The following LPA variants were observed in gnomAD, a reference collection of about 807,000 sequenced individuals.
LPA encodes the protein apolipoprotein(a).
LPA carries 199 observed loss-of-function variants against 197.9 expected under a neutral mutation model. The ratio of observed to expected loss-of-function variants is 1.01; its 90% confidence interval spans 0.90 to 1.13. The LOEUF (loss-of-function observed/expected upper bound fraction) is 1.13. Among genes scored for constraint, LPA ranks in the 50% most tolerant of loss-of-function variants. The probability of loss-of-function intolerance (pLI) is 0.00; values close to 1 mark genes in which losing one functional copy is unlikely to be tolerated. For synonymous variants in LPA, 715 were observed against 639.5 expected (o/e 1.12, Z -1.78); for missense variants, 1,853 against 1,785.8 (o/e 1.04, Z -0.68).
intron 17 of LPA, among the ~76,000 whole-genome samples, chr6:160,606,130 C>T (rs1779344748): frequency 1.3e-5 from 2 of 152,142 alleles, no homozygotes; most frequent in Non-Finnish European, 2.9e-5. Context: ...TTGAAGAAGT[C>T]CCAGGAAAAG....
chr6:160,532,429 A>G (rs1211057463), intron 38 of LPA, 102 bp downstream of exon 38: 16 of 896,696 alleles, frequency 1.8e-5, no homozygotes, highest in African/African-American at 3.3e-5. Flanking sequence ...GGGGTCTTCC[A>G]CTGACAAAAC....
chr6:160,535,210 A>G (rs199811315), intron 37 of LPA, among the ~76,000 whole-genome samples: 10 of 66 alleles, frequency 0.15, 2 homozygotes, highest in African/African-American at 0.17. Context: ...TAATGATAAT[A>G]CAGATGAGGA....
At position 160,611,557 on chromosome 6, in the gene LPA, C is replaced by T; in HGVS notation, c.2603+5G>A. 1 of 1,606,766 alleles carries T rather than the reference C, an allele frequency of 6.2e-7. No homozygotes were observed. The highest frequency in any genetic ancestry group is 1.1e-5 in the South Asian group (1 of 90,964). ...ATTCTCTTATGGTAAAGAACAAAGA[C>T]ATACGCATTTGGGTAGTATTCTGGG... On this transcript the variant is annotated splice_donor_5th_base_variant and intron_variant, in intron 16 of 38. Transcript: ENST00000316300.
At chr6:160,547,497 C>T (rs1229965895) in intron 32 of LPA, among the ~76,000 whole-genome samples, 1 of 149,896 alleles carries the variant, frequency 6.7e-6, no homozygotes, top group Non-Finnish European at 1.5e-5. Flanking sequence ...ATTACCAGTT[C>T]CAGTACCAGT....
intron 16 of LPA, among the ~76,000 whole-genome samples, chr6:160,609,055 G>C (rs1023004870): frequency 6.6e-6 from 1 of 151,826 alleles, no homozygotes; most frequent in Non-Finnish European, 1.5e-5. Context: ...ACTTTCTTTT[G>C]ATATTTTATC....
At chr6:160,594,699 A>G (rs1034246235) in intron 21 of LPA, among the ~76,000 whole-genome samples, 8 of 152,160 alleles carry the variant, frequency 5.3e-5, no homozygotes, top group Non-Finnish European at 7.4e-5. Context: ...CTGCATTGCA[A>G]CAAAGTAGAT....
At chr6:160,552,370 T>A (rs1778180733) in intron 30 of LPA, among the ~76,000 whole-genome samples, 1 of 152,222 alleles carries the variant, frequency 6.6e-6, no homozygotes, top group South Asian at 2.1e-4. Context: ...AGTCTTTTAA[T>A]CTATAAGCAT....
At position 160,649,922 on chromosome 6, in the gene LPA, C is replaced by T. The variant is rs564265151; in HGVS notation, c.209+416G>A. On this transcript the variant is annotated intron_variant, in intron 2 of 38. Coordinates refer to ENST00000316300, the MANE Select transcript of LPA (RefSeq NM_005577.4). ...ACATAGATATAGAAAAAGATAGATT[C>T]GCCTTTCCATAGATATGCACATATC... is the stretch of plus-strand genomic sequence containing the variant. Among the ~76,000 whole-genome samples, 24 of 152,272 alleles carry T rather than the reference C, an allele frequency of 1.6e-4. No individual in the cohort carries two copies. The East Asian group carries it at 3.1e-3, about 20-fold the overall frequency.
chr6:160,569,548 A>G (rs773888633), intron 28 of LPA, among the ~76,000 whole-genome samples: 5 of 152,072 alleles, frequency 3.3e-5, no homozygotes, highest in East Asian at 1.9e-4. Flanking sequence ...AACCTAAGCA[A>G]TACCATTCAG....
At chr6:160,578,180 G>A (rs1428998588) in intron 27 of LPA, among the ~76,000 whole-genome samples, 1 of 152,178 alleles carries the variant, frequency 6.6e-6, no homozygotes, top group African/African-American at 2.4e-5. Flanking sequence ...TCACTGGAAA[G>A]GCTTATTGGC....
intron 16 of LPA, among the ~76,000 whole-genome samples, chr6:160,608,500 A>G (rs893582496): frequency 6.6e-6 from 1 of 152,096 alleles, no homozygotes; most frequent in African/African-American, 2.4e-5. Context: ...GTTTTTCCCC[A>G]GTTTCTCATA....
At chr6:160,649,786 C>T (rs1372926192) in intron 2 of LPA, among the ~76,000 whole-genome samples, 2 of 152,188 alleles carry the variant, frequency 1.3e-5, no homozygotes, top group African/African-American at 4.8e-5. Context: ...GCATCTGTCT[C>T]ATTTCTTACT....
intron 23 of LPA, 26 bp downstream of exon 23, chr6:160,590,918 T>G: frequency 6.2e-7 from 1 of 1,613,804 alleles, no homozygotes; most frequent in Non-Finnish European, 8.5e-7. Context: ...TCCAAGGGTG[T>G]GGTTGTCTGG....
At chr6:160,584,237 T>TTCTTCTTCCTCCTCC (rs1554235539) in intron 26 of LPA, among the ~76,000 whole-genome samples, 4 of 69,468 alleles carry the variant, frequency 5.8e-5, no homozygotes, top group South Asian at 7.0e-4. Context: ...CTTCTTCTTC[T>TTCTTCTTCCTCCTCC]TCCTCCTCCT....
chr6:160,574,970 A>C, intron 28 of LPA, among the ~76,000 whole-genome samples: 1 of 152,042 alleles, frequency 6.6e-6, no homozygotes, highest in Non-Finnish European at 1.5e-5. Flanking sequence ...TAAAGATGTT[A>C]CTTTATTGTT....
chr6:160,590,160 T>C (rs1204239604), intron 23 of LPA, among the ~76,000 whole-genome samples: 3 of 152,156 alleles, frequency 2.0e-5, no homozygotes, highest in Non-Finnish European at 4.4e-5. Context: ...TTCTGGAAGA[T>C]GGGGCAGGAA....
intron 24 of LPA, 129 bp from the exon 25 acceptor site, chr6:160,586,759 ACACT>A (rs1778920003): frequency 7.8e-7 from 1 of 1,274,992 alleles, no homozygotes; most frequent in Non-Finnish European, 1.1e-6. Flanking sequence ...AAGTCCCATA[ACACT>A]CACAAATGGT....
intron 30 of LPA, among the ~76,000 whole-genome samples, chr6:160,555,798 T>A (rs573914114): frequency 4.2e-4 from 64 of 152,194 alleles, no homozygotes; most frequent in African/African-American, 1.5e-3. Flanking sequence ...AAAGACCTCA[T>A]CAGCTCCATG....
chr6:160,554,340 G>T (rs1250752436), intron 30 of LPA, among the ~76,000 whole-genome samples: 2 of 152,066 alleles, frequency 1.3e-5, no homozygotes, highest in Non-Finnish European at 2.9e-5. Flanking sequence ...TTTAAATGAT[G>T]TCACTCCTTG....
Sources: gnomAD v4.1 joint callset for allele counts (sites outside exome capture counted in the v4.1 genomes callset) on GRCh38, gnomAD v4.1.1 for gene constraint, MANE v1.5 for transcripts, NCBI Gene and HGNC (gene_info 2026-07-23, HGNC 2026-07-21) for gene names.